The following AGBL1 variants were observed in gnomAD, a reference collection of about 807,000 sequenced individuals.
The protein encoded by AGBL1 is AGBL carboxypeptidase 1.
In AGBL1, 130 loss-of-function variants were observed where a neutral mutation model predicts 118.9. That is an observed-to-expected ratio of 1.09 (90% confidence interval 0.95 to 1.26). The LOEUF is 1.26. Ranked by LOEUF, AGBL1 falls within the 50% of genes most tolerant of loss-of-function variation. The pLI, the probability that AGBL1 is intolerant of heterozygous loss-of-function variation, is 0.00. For missense variants in AGBL1, 1,584 were observed against 1,298.1 expected, an observed-to-expected ratio of 1.22 and a Z score of -3.38; for synonymous variants, 555 against 478.9, an observed-to-expected ratio of 1.16 and a Z score of -2.08.
chr15:86,314,827 G>C (rs901983598), intron 17 of AGBL1, among the ~76,000 whole-genome samples: 2 of 152,116 alleles, frequency 1.3e-5, no homozygotes, highest in Non-Finnish European at 2.9e-5. Context: ...TCCATAAAAA[G>C]CCATGTTTTC....
rs147472609 is a variant in AGBL1, at chr15:86,396,046, T to C, written c.2375-1320T>C. Among the ~76,000 whole-genome samples the C allele has an allele frequency of 5.5e-4, 84 of 151,518 alleles. 1 individual carries two copies. Among genetic ancestry groups the C allele is most frequent in the African/African-American group, 1.9e-3 (79 of 41,430 alleles). ...ACACAATGTCCTCCAGACTCATCCA[T>C]GTTGCTGAAAATGACAGAATTCCAT... On this transcript the variant is annotated intron_variant, in intron 17 of 22. Coordinates refer to ENST00000614907, the MANE Select transcript of AGBL1 (RefSeq NM_001386094.1).
At chr15:86,247,919 C>G (rs777200669) in intron 7 of AGBL1, 40 bp downstream of exon 7, 1 of 1,601,402 alleles carries the variant, frequency 6.2e-7, no homozygotes, top group African/African-American at 1.3e-5. Flanking sequence ...TGGAGGCCAG[C>G]TGGGTGATTC....
chr15:86,225,266 C>A (rs1371910917), intron 6 of AGBL1, among the ~76,000 whole-genome samples: 1 of 151,792 alleles, frequency 6.6e-6, no homozygotes. Context: ...ACCCTCCACC[C>A]CTGTCTAACA....
intron 21 of AGBL1, 140 bp downstream of exon 21, chr15:86,554,677 G>T: frequency 6.0e-6 from 5 of 828,700 alleles, no homozygotes; most frequent in Non-Finnish European, 8.3e-6. Context: ...TTGAAAAACG[G>T]GTTCAACAAT....
At chr15:86,103,378 AATT>A (rs1896846529) in intron 1 of AGBL1, among the ~76,000 whole-genome samples, 1 of 151,910 alleles carries the variant, frequency 6.6e-6, no homozygotes, top group Non-Finnish European at 1.5e-5. Context: ...GTTGCTAGAG[AATT>A]ATTATCTTTT....
intron 22 of AGBL1, among the ~76,000 whole-genome samples, chr15:86,771,699 G>C (rs1023790057): frequency 2.6e-5 from 4 of 151,566 alleles, no homozygotes; most frequent in Non-Finnish European, 5.9e-5. Flanking sequence ...TTCAGGGATG[G>C]ATAAAAAAAA....
chr15:86,207,214 C>T (rs2078008984), intron 5 of AGBL1, among the ~76,000 whole-genome samples: 3 of 152,062 alleles, frequency 2.0e-5, no homozygotes, highest in Admixed American at 1.3e-4. Flanking sequence ...GTTACTGTAG[C>T]TTGTAGTATA....
At chr15:86,337,641 G>C (rs1423250291) in intron 17 of AGBL1, among the ~76,000 whole-genome samples, 1 of 152,164 alleles carries the variant, frequency 6.6e-6, no homozygotes, top group Non-Finnish European at 1.5e-5. Flanking sequence ...CGACTTATAA[G>C]TGGGAGCTGA....
rs368672143 is a variant in AGBL1 at position 86,534,425 on chromosome 15, T to C, written c.2685+11486T>C. Among the ~76,000 whole-genome samples the C allele has an allele frequency of 5.3e-5, 8 of 152,322 alleles. No homozygotes were observed. In the East Asian group the frequency reaches 1.5e-3, roughly 29 times the overall value. On this transcript the variant is annotated intron_variant, in intron 19 of 22. Coordinates refer to ENST00000614907, the MANE Select transcript of AGBL1 (RefSeq NM_001386094.1). ...AAAGAATCTGTAGGCCTATGATCTC[T>C]TGAGTCTTCTGCCCTGTGAAATTGA...
intron 18 of AGBL1, among the ~76,000 whole-genome samples, chr15:86,462,336 C>T (rs1027550541): frequency 6.6e-6 from 1 of 152,184 alleles, no homozygotes; most frequent in African/African-American, 2.4e-5. Flanking sequence ...CTTCCAGTCT[C>T]AGCCCAAGCT....
intron 18 of AGBL1, among the ~76,000 whole-genome samples, chr15:86,460,689 C>T (rs1282868997): frequency 6.6e-6 from 1 of 152,208 alleles, no homozygotes; most frequent in Non-Finnish European, 1.5e-5. Flanking sequence ...CAGAGATACT[C>T]TGCCAAGGCA....
intron 24 of AGBL1, among the ~76,000 whole-genome samples, chr15:86,993,329 G>A (rs2081350772): frequency 6.6e-6 from 1 of 151,960 alleles, no homozygotes; most frequent in Non-Finnish European, 1.5e-5. Context: ...AACTTCTATT[G>A]AATACCAACT....
chr15:86,877,575 C>T (rs1487683955), intron 22 of AGBL1, among the ~76,000 whole-genome samples: 1 of 152,090 alleles, frequency 6.6e-6, no homozygotes, highest in Non-Finnish European at 1.5e-5. Context: ...CATGAGCCTC[C>T]CCTACAGGAA....
Position 86,912,246 on chromosome 15 carries a change from C to A in AGBL1, c.*4952C>A, listed in dbSNP as rs374207286. On this transcript the variant is annotated 3_prime_UTR_variant, in exon 23 of 23. Coordinates refer to ENST00000614907, the MANE Select transcript of AGBL1 (RefSeq NM_001386094.1). ...GGTTGCCATGGAAGAGTTCCCAGTG[C>A]GAGGCGAGCTTAACAAGGGGCAGGG... is the stretch of plus-strand genomic sequence containing the variant. 1 of 152,148 alleles carries A rather than the reference C, an allele frequency of 6.6e-6. No homozygotes were observed. Among genetic ancestry groups the A allele is most frequent in the Non-Finnish European group, 1.5e-5 (1 of 68,060 alleles). The allele number at this position is 152,148 out of a possible 1,614,324, so 9.4% of individuals were successfully genotyped here. A position where few individuals can be genotyped will look rare whatever the true frequency, so the allele number is the denominator to read the frequency against.
intron 19 of AGBL1, among the ~76,000 whole-genome samples, chr15:86,541,800 C>T (rs942381906): frequency 6.6e-6 from 1 of 151,870 alleles, no homozygotes; most frequent in South Asian, 2.1e-4. Flanking sequence ...TTTTCAAGAC[C>T]CACAACAACT....
chr15:86,590,524 A>T (rs541883214), intron 21 of AGBL1, among the ~76,000 whole-genome samples: 1 of 152,280 alleles, frequency 6.6e-6, no homozygotes, highest in African/African-American at 2.4e-5. Flanking sequence ...AGTCAATGAA[A>T]CTTCTTTTCT....
chr15:86,360,319 C>CTTTTTTTTTTTTTTTT (rs570573457), intron 17 of AGBL1, among the ~76,000 whole-genome samples: 1 of 136,028 alleles, frequency 7.4e-6, no homozygotes, highest in Non-Finnish European at 1.6e-5. Context: ...GGGTTTTTTC[C>CTTTTTTTTTTTTTTTT]TTTTTTTTTT....
At chr15:87,026,909 T>C (rs1205477801) in intron 24 of AGBL1, among the ~76,000 whole-genome samples, 1 of 152,018 alleles carries the variant, frequency 6.6e-6, no homozygotes, top group East Asian at 1.9e-4. Context: ...CATTGTATGT[T>C]CACATTCATA....
At chr15:86,727,114 A>G (rs2086832735) in intron 22 of AGBL1, among the ~76,000 whole-genome samples, 1 of 152,042 alleles carries the variant, frequency 6.6e-6, no homozygotes, top group Non-Finnish European at 1.5e-5. Flanking sequence ...GATGATGGGG[A>G]CTCTAGTGAT....
Sources: gnomAD v4.1 joint callset for allele counts (sites outside exome capture counted in the v4.1 genomes callset) on GRCh38, gnomAD v4.1.1 for gene constraint, MANE v1.5 for transcripts, NCBI Gene and HGNC (gene_info 2026-07-23, HGNC 2026-07-21) for gene names.